Variants in PRKN observed in about 807,000 individuals in gnomAD.
PRKN encodes E3 ubiquitin-protein ligase parkin.
Under a neutral mutation model 59.5 loss-of-function variants are expected in PRKN, and 56 were observed. The observed-to-expected ratio is 0.94, with a 90% confidence interval of 0.76 to 1.18. The LOEUF (loss-of-function observed/expected upper bound fraction) is 1.18, where lower values mean the gene tolerates loss of function less well. PRKN is among the 50% of genes most tolerant of loss of function. The probability of loss-of-function intolerance (pLI) is 0.00; values close to 1 mark genes in which losing one functional copy is unlikely to be tolerated. For synonymous variants in PRKN, 250 were observed against 222.1 expected, an observed-to-expected ratio of 1.13 and a Z score of -1.12; for missense variants, 657 against 596.4, an observed-to-expected ratio of 1.10 and a Z score of -1.06.
intron 1 of PRKN, among the ~76,000 whole-genome samples, chr6:162,611,587 A>G (rs954554748): frequency 1.3e-5 from 2 of 152,178 alleles, no homozygotes; most frequent in Non-Finnish European, 2.9e-5. Context: ...AGGGCATTGT[A>G]TTTCAAGAAG....
At chr6:161,711,121 A>G (rs1487247914) in intron 7 of PRKN, among the ~76,000 whole-genome samples, 1 of 152,130 alleles carries the variant, frequency 6.6e-6, no homozygotes, top group Admixed American at 6.6e-5. Context: ...GCACAAGGAG[A>G]GGGGTCATAT....
At chr6:161,437,795 G>A (rs1788996942) in intron 9 of PRKN, among the ~76,000 whole-genome samples, 1 of 152,200 alleles carries the variant, frequency 6.6e-6, no homozygotes, top group Non-Finnish European at 1.5e-5. Context: ...GGGCTAGTCT[G>A]TGACATGCAG....
At chr6:162,161,535 C>G (rs753053789) in intron 4 of PRKN, among the ~76,000 whole-genome samples, 14 of 152,202 alleles carry the variant, frequency 9.2e-5, no homozygotes, top group Non-Finnish European at 1.6e-4. Flanking sequence ...TGAAATCTCA[C>G]GCCACCTTGC....
At chr6:162,568,561 C>T in intron 1 of PRKN, 1 of 817,632 alleles carries the variant, frequency 1.2e-6, no homozygotes. Context: ...AACATCCAGG[C>T]CGTGCAGGAG....
intron 10 of PRKN, among the ~76,000 whole-genome samples, chr6:161,365,545 A>G (rs1018912088): frequency 6.6e-6 from 1 of 152,248 alleles, no homozygotes; most frequent in Admixed American, 6.5e-5. Flanking sequence ...AGGAATTACA[A>G]ACTGGAAAAT....
At chr6:161,485,490 T>C (rs9346860) in intron 9 of PRKN, among the ~76,000 whole-genome samples, 63,117 of 152,122 alleles carry the variant, frequency 0.41, 16,021 homozygotes, top group Middle Eastern at 0.58. Context: ...GAAAATATTA[T>C]CATAGTAAAC....
chr6:161,789,560 A>G (rs1790558258), intron 6 of PRKN, among the ~76,000 whole-genome samples: 1 of 152,210 alleles, frequency 6.6e-6, no homozygotes, highest in Non-Finnish European at 1.5e-5. Flanking sequence ...AAGATCTCCA[A>G]GGAACTTTCT....
At chr6:162,265,901 C>A (rs1780108581) in intron 2 of PRKN, among the ~76,000 whole-genome samples, 1 of 152,122 alleles carries the variant, frequency 6.6e-6, no homozygotes, top group Non-Finnish European at 1.5e-5. Flanking sequence ...GTCCTCTAAT[C>A]AATAATGGCA....
chr6:161,816,753 G>A (rs924964460), intron 6 of PRKN, among the ~76,000 whole-genome samples: 13 of 151,810 alleles, frequency 8.6e-5, no homozygotes, highest in African/African-American at 2.4e-4. Flanking sequence ...TTGTTCATGC[G>A]CAGTCACTTT....
rs182855735 is a variant in PRKN at position 161,995,489 on chromosome 6, A to T, written c.619-22072T>A. On this transcript the variant is annotated intron_variant, in intron 5 of 11. Transcript: ENST00000366898. ...GAAACAACCTGTAGAATGGGAGAAAATATCTCCAAACTATTCATTCAACAA... is the reference window on the plus strand; with the variant it reads ...GAAACAACCTGTAGAATGGGAGAAATTATCTCCAAACTATTCATTCAACAA... 7.2e-5 allele frequency among the ~76,000 whole-genome samples: 11 copies of T among 152,250 alleles called. No homozygotes were observed. In the East Asian group the frequency reaches 2.1e-3, roughly 29 times the overall value.
intron 4 of PRKN, among the ~76,000 whole-genome samples, chr6:162,168,542 T>C (rs1419786829): frequency 8.1e-6 from 1 of 123,940 alleles, no homozygotes; most frequent in African/African-American, 3.3e-5. Context: ...CATCCATCAT[T>C]CTAATCTGTT....
At chr6:162,243,221 A>C (rs142554885) in intron 3 of PRKN, among the ~76,000 whole-genome samples, 2 of 152,238 alleles carry the variant, frequency 1.3e-5, no homozygotes, top group East Asian at 3.9e-4. Flanking sequence ...GTCTTACAAA[A>C]TCACATTCTG....
chr6:161,657,466 TC>T (rs1784392704), intron 7 of PRKN, among the ~76,000 whole-genome samples: 1 of 152,200 alleles, frequency 6.6e-6, no homozygotes, highest in Non-Finnish European at 1.5e-5. Flanking sequence ...GAGTGGCCTC[TC>T]CACCCGCACC....
intron 9 of PRKN, among the ~76,000 whole-genome samples, chr6:161,441,307 T>A (rs964349035): frequency 1.4e-4 from 21 of 152,176 alleles, no homozygotes; most frequent in Non-Finnish European, 1.5e-5. Flanking sequence ...TGCATCACAG[T>A]TCACATACTT....
intron 7 of PRKN, among the ~76,000 whole-genome samples, chr6:161,719,240 A>AT (rs1787119641): frequency 1.3e-5 from 2 of 150,600 alleles, no homozygotes; most frequent in East Asian, 3.9e-4. Context: ...TTTTTTAAGT[A>AT]TTTTTAAGTA....
intron 7 of PRKN, among the ~76,000 whole-genome samples, chr6:161,721,077 G>A (rs765814344): frequency 1.3e-5 from 2 of 152,184 alleles, no homozygotes; most frequent in Non-Finnish European, 2.9e-5. Context: ...CATAACATCC[G>A]ATCCATGGGC....
intron 5 of PRKN, among the ~76,000 whole-genome samples, chr6:162,013,250 T>C (rs560052392): frequency 7.7e-4 from 117 of 152,264 alleles, no homozygotes; most frequent in African/African-American, 2.5e-3. Flanking sequence ...GGTCATAATA[T>C]CATTATTTAT....
In PRKN at chr6:162,317,336, T is replaced by C. The variant is rs989795366; in HGVS notation, c.172-54571A>G. Reference sequence around the variant, plus strand: ...ATACGACTGTTTTATAAATGTGAGTTCCCCTGCACAAGCTCTCCTGCCTGT... The same window carrying C: ...ATACGACTGTTTTATAAATGTGAGTCCCCCTGCACAAGCTCTCCTGCCTGT... On this transcript the variant is annotated intron_variant, in intron 2 of 11. Transcript: ENST00000366898. Among the ~76,000 whole-genome samples the C allele has an allele frequency of 3.7e-4, 56 of 152,094 alleles. 1 individual carries two copies. Among genetic ancestry groups the C allele is most frequent in the African/African-American group, 1.3e-3 (54 of 41,512 alleles).
chr6:162,571,323 CAAAA>C (rs67519540), intron 1 of PRKN: 6 of 118,974 alleles, frequency 5.0e-5, no homozygotes, highest in African/African-American at 6.0e-5. Flanking sequence ...AAACTCATTT[CAAAA>C]AAAAAAAAAA....
Sources: gnomAD v4.1 joint callset for allele counts (sites outside exome capture counted in the v4.1 genomes callset) on GRCh38, gnomAD v4.1.1 for gene constraint, MANE v1.5 for transcripts, NCBI Gene and HGNC (gene_info 2026-07-23, HGNC 2026-07-21) for gene names.